GRID2IP: variants seen among roughly 807,000 people sequenced by gnomAD.
GRID2IP encodes the protein Grid2 interacting protein.
Under a neutral mutation model 114.3 loss-of-function variants are expected in GRID2IP, and 78 were observed. The ratio of observed to expected loss-of-function variants is 0.68; its 90% CI spans 0.57 to 0.82. GRID2IP has a LOEUF of 0.82. Among genes scored for constraint, GRID2IP ranks in the 40% least tolerant of loss-of-function variants. The pLI is 0.00. For missense variants in GRID2IP, 1,727 were observed against 1,678.5 expected (o/e 1.03, Z -0.51); for synonymous variants, 809 against 724.0 (o/e 1.12, Z -1.89).
Position 6,503,046 on chromosome 7 carries a change from C to G in GRID2IP, c.3025G>C (p.Glu1009Gln). 1 of 1,551,516 alleles carries G rather than the reference C, an allele frequency of 6.4e-7. No homozygotes were observed. The highest frequency in any genetic ancestry group is 1.2e-5 in the South Asian group (1 of 84,064). ...SLECLRQASL[E>Q]LKNSRKLAKI... ...GCGAGCTTCCGACTGTTTTTGAGCT[C>G]CAGGGAGGCCTGGCGCAAGCATTCA... The change falls in exon 17 of 22, where the codon GAG (glutamate) becomes CAG (glutamine). Residue 1009 changes from glutamate (E) to glutamine (Q), a missense_variant. Glu to Gln is a conservative substitution (Grantham distance 29). Transcript: ENST00000457091.
rs148010068 is a variant in GRID2IP at position 6,541,415 on chromosome 7, C to G, written c.430-1543G>C. 2.6e-4 allele frequency among the ~76,000 whole-genome samples: 40 copies of G among 152,312 alleles called. 1 individual carries two copies. Among genetic ancestry groups the G allele is most frequent in the Non-Finnish European group, 1.0e-4 (7 of 68,038 alleles). On this transcript the variant is annotated intron_variant, in intron 1 of 21. Coordinates refer to ENST00000457091, the MANE Select transcript of GRID2IP (RefSeq NM_001145118.2). ...ATACTGTGCGCTGAGAGATCCCACACAGAACATTCTGACTCCACAAAAAAA... is the reference window on the plus strand; with the variant it reads ...ATACTGTGCGCTGAGAGATCCCACAGAGAACATTCTGACTCCACAAAAAAA...
chr7:6,539,921 C>T, intron 1 of GRID2IP, 49 bp from the exon 2 acceptor site: 1 of 1,497,112 alleles, frequency 6.7e-7, no homozygotes, highest in African/African-American at 1.4e-5. Flanking sequence ...AGAGTGGAAC[C>T]CTGGAGAACT....
chr7:6,518,460 G>T (rs184714087), intron 7 of GRID2IP, among the ~76,000 whole-genome samples: 11 of 152,030 alleles, frequency 7.2e-5, no homozygotes, highest in Non-Finnish European at 1.5e-4. Context: ...AAAATAGGCC[G>T]GGTGTCGTGG....
intron 1 of GRID2IP, among the ~76,000 whole-genome samples, chr7:6,542,306 C>CAAAAA (rs56154707): frequency 5.3e-5 from 5 of 95,180 alleles, no homozygotes; most frequent in Non-Finnish European, 4.0e-5. Context: ...AACTCCATCT[C>CAAAAA]AAAAAAAAAA....
At chr7:6,514,136 C>T (rs1779243168) in intron 8 of GRID2IP, among the ~76,000 whole-genome samples, 1 of 152,026 alleles carries the variant, frequency 6.6e-6, no homozygotes, top group Admixed American at 6.6e-5. Context: ...GCCTTTAGTC[C>T]CAGCTACTCG....
intron 1 of GRID2IP, among the ~76,000 whole-genome samples, chr7:6,545,125 A>C (rs2115101477): frequency 6.6e-6 from 1 of 151,924 alleles, no homozygotes; most frequent in East Asian, 1.9e-4. Flanking sequence ...GTAAAAAGTT[A>C]GCCAGATATG....
intron 8 of GRID2IP, among the ~76,000 whole-genome samples, chr7:6,513,012 C>T (rs1779208466): frequency 6.6e-6 from 1 of 152,122 alleles, no homozygotes; most frequent in South Asian, 2.1e-4. Flanking sequence ...CAGGCTTCGG[C>T]ACACCTTCCA....
At position 6,526,875 on chromosome 7, in the gene GRID2IP, C is replaced by A. The variant is rs903249426; in HGVS notation, c.585-106G>T. ...CGGGCGCCGCCCTAGGCTCTCCCACCTCTTCCTAGGAGTGGCGGAGGGCTG... is the reference window on the plus strand; with the variant it reads ...CGGGCGCCGCCCTAGGCTCTCCCACATCTTCCTAGGAGTGGCGGAGGGCTG... On this transcript the variant is annotated intron_variant, in intron 2 of 21. Transcript: ENST00000457091. This position sits in a 1 kb window ranked among gnomAD's most constrained non-coding sequence, Gnocchi z 7.6. The A allele has an allele frequency of 3.2e-6, 4 of 1,258,052 alleles. No individual in the cohort carries two copies. The African/African-American group carries it at 6.4e-5, about 20-fold the overall frequency. The allele number at this position is 1,258,052 out of a possible 1,614,324, so 77.9% of individuals were successfully genotyped here.
intron 2 of GRID2IP, among the ~76,000 whole-genome samples, chr7:6,529,178 C>T (rs1019551270): frequency 1.3e-5 from 2 of 151,838 alleles, no homozygotes; most frequent in Non-Finnish European, 2.9e-5. Flanking sequence ...CGTCCGGGCG[C>T]GGTGGCTCAA....
intron 15 of GRID2IP, 35 bp downstream of exon 15, chr7:6,504,758 C>A: frequency 6.6e-7 from 1 of 1,513,088 alleles, no homozygotes; most frequent in East Asian, 2.5e-5. Flanking sequence ...CCGCCGCCTG[C>A]CCCCTACACC....
Position 6,516,113 on chromosome 7 carries a change from A to AAAAT in GRID2IP, c.1269-1588_1269-1585dup, listed in dbSNP as rs35580684. The stretch of plus-strand genomic sequence containing the variant: ...CCCCGTCTCAAAATAATAATAATAA[A>AAAAT]AAATAAATAAATAAATAAATAAAAA... On this transcript the variant is annotated intron_variant, in intron 7 of 21. Transcript: ENST00000457091. This position sits in a 1 kb window ranked among gnomAD's most constrained non-coding sequence, Gnocchi z 4.3. Among the ~76,000 whole-genome samples, 52,633 of 105,906 alleles carry AAAAT rather than the reference A, an allele frequency of 0.5. 11,384 individuals carry two copies. Among genetic ancestry groups the AAAAT allele is most frequent in the Non-Finnish European group, 0.64 (33,486 of 52,198 alleles). 69.5% of individuals were successfully genotyped at this position (105,906 alleles called of 152,430 possible). A position where few individuals can be genotyped will look rare whatever the true frequency, so the allele number is the denominator to read the frequency against.
intron 2 of GRID2IP, among the ~76,000 whole-genome samples, chr7:6,531,927 G>A (rs1047204066): frequency 9.9e-5 from 15 of 152,208 alleles, no homozygotes; most frequent in Non-Finnish European, 2.1e-4. Context: ...GAGTCAGTGC[G>A]AGTGAGGACA....
At chr7:6,533,938 C>G (rs889236512) in intron 2 of GRID2IP, among the ~76,000 whole-genome samples, 13 of 152,166 alleles carry the variant, frequency 8.5e-5, no homozygotes, top group African/African-American at 2.7e-4. Context: ...GCATGAACCA[C>G]TGCACCCAGT....
Position 6,534,984 on chromosome 7 carries a change from C to G in GRID2IP, c.584+4734G>C, listed in dbSNP as rs968818284. 6.6e-6 allele frequency among the ~76,000 whole-genome samples: 1 copy of G among 152,234 alleles called. No homozygotes were observed. Among genetic ancestry groups the G allele is most frequent in the Non-Finnish European group, 1.5e-5 (1 of 68,040 alleles). On this transcript the variant is annotated intron_variant, in intron 2 of 21. Coordinates refer to ENST00000457091, the MANE Select transcript of GRID2IP (RefSeq NM_001145118.2). The surrounding 1 kb of genome is among the most constrained non-coding windows in gnomAD (Gnocchi z 4.5). Reference sequence around the variant, plus strand: ...CACTGCAATCTCCGCCTCCCAGGTTCAAGCGATGCTCCTGCCTCAGCCTCC... The same window carrying G: ...CACTGCAATCTCCGCCTCCCAGGTTGAAGCGATGCTCCTGCCTCAGCCTCC...
At chr7:6,535,393 G>A (rs115883666) in intron 2 of GRID2IP, among the ~76,000 whole-genome samples, 2,354 of 152,348 alleles carry the variant, frequency 0.015, 67 homozygotes, top group African/African-American at 0.054. Flanking sequence ...CAGCTTCATG[G>A]TGTCACTGCT....
Position 6,506,536 on chromosome 7 carries a change from T to A in GRID2IP, c.2545-629A>T, listed in dbSNP as rs1786593312. The stretch of plus-strand genomic sequence containing the variant: ...ATGGATTTGGGTTTGGCCACATGTG[T>A]GACCTGTGTCCCTGTGTCCACCTTT... On this transcript the variant is annotated intron_variant, in intron 13 of 21. Transcript: ENST00000457091. The surrounding 1 kb of genome is among the most constrained non-coding windows in gnomAD (Gnocchi z 5.2). Among the ~76,000 whole-genome samples the A allele has an allele frequency of 1.3e-5, 2 of 152,184 alleles. No homozygotes were observed. The highest frequency in any genetic ancestry group is 2.9e-5 in the Non-Finnish European group (2 of 68,024).
At chr7:6,540,532 A>AT (rs935697207) in intron 1 of GRID2IP, among the ~76,000 whole-genome samples, 56 of 150,622 alleles carry the variant, frequency 3.7e-4, no homozygotes, top group Admixed American at 3.7e-3. Context: ...TTATTTATTT[A>AT]TTTTTTGTGA....
At chr7:6,501,101 A>G (rs1786400603) in intron 20 of GRID2IP, among the ~76,000 whole-genome samples, 1 of 152,224 alleles carries the variant, frequency 6.6e-6, no homozygotes, top group Admixed American at 6.5e-5. Context: ...CTATAATCCC[A>G]GCACTTTGAG....
chr7:6,497,936 A>T, intron 21 of GRID2IP, 91 bp from the exon 22 acceptor site: 17 of 912,850 alleles, frequency 1.9e-5, no homozygotes, highest in Non-Finnish European at 2.7e-5. Flanking sequence ...ACAGCCCATC[A>T]GGGGGTTAGG....
Sources: allele counts gnomAD v4.1 joint callset (sites outside exome capture counted in the v4.1 genomes callset), GRCh38; gene constraint gnomAD v4.1.1; non-coding constraint Gnocchi (gnomAD v3.1); transcripts MANE v1.5; gene names NCBI Gene and HGNC (gene_info 2026-07-23, HGNC 2026-07-21).